The following ZNF223 variants were observed in gnomAD, a reference collection of about 807,000 sequenced individuals.
The protein encoded by ZNF223 is Homo sapiens zinc finger protein 223.
In ZNF223, 9 loss-of-function variants were observed where a neutral mutation model predicts 12.3. The ratio of observed to expected loss-of-function variants is 0.73; its 90% CI spans 0.44 to 1.28. The LOEUF is 1.28. Ranked by LOEUF, ZNF223 falls within the 50% of genes most tolerant of loss-of-function variation. ZNF223 has a pLI of 0.00. For missense variants in ZNF223, 506 were observed against 579.0 expected (o/e 0.87, Z 1.29); for synonymous variants, 171 against 195.2 (o/e 0.88, Z 1.03).
rs1356027258 is a variant in ZNF223 at position 44,066,697 on chromosome 19, G to A, written c.869G>A (p.Cys290Tyr). The A allele has an allele frequency of 2.5e-6, 4 of 1,614,216 alleles. No homozygotes were observed. Among genetic ancestry groups the A allele is most frequent in the Non-Finnish European group, 3.4e-6 (4 of 1,180,038 alleles). The part of the protein sequence containing the change: ...RIHTGEKPFK[C>Y]EICSVSFRLR... Reference sequence around the variant, plus strand: ...CACACAGGGGAGAAGCCATTCAAATGTGAGATATGTAGTGTGAGCTTCCGT... The same window carrying A: ...CACACAGGGGAGAAGCCATTCAAATATGAGATATGTAGTGTGAGCTTCCGT... The change falls in exon 5 of 5, where the codon TGT (cysteine) becomes TAT (tyrosine). Residue 290 changes from cysteine (C) to tyrosine (Y), a missense_variant. Cys to Tyr is a radical substitution (Grantham distance 194, BLOSUM62 -2). Coordinates refer to ENST00000434772, the MANE Select transcript of ZNF223 (RefSeq NM_013361.6).
intron 2 of ZNF223, among the ~76,000 whole-genome samples, chr19:44,059,132 C>T (rs1243720619): frequency 6.6e-6 from 1 of 152,206 alleles, no homozygotes; most frequent in African/African-American, 2.4e-5. Flanking sequence ...TTTTGCCAGC[C>T]ACATCTCATT....
intron 2 of ZNF223, among the ~76,000 whole-genome samples, chr19:44,058,317 G>T (rs979467948): frequency 6.7e-6 from 1 of 149,796 alleles, no homozygotes; most frequent in Non-Finnish European, 1.5e-5. Context: ...TATGTCCATC[G>T]ACCTCCCCTG....
intron 1 of ZNF223, among the ~76,000 whole-genome samples, chr19:44,053,449 G>A (rs1258224319): frequency 6.6e-6 from 1 of 152,198 alleles, no homozygotes. Context: ...AGATTTATGT[G>A]TGACTTTACA....
rs1599869553 is a variant in ZNF223 at position 44,060,540 on chromosome 19, G to A, written c.101G>A (p.Arg34Gln). 3 of 1,613,992 alleles carry A rather than the reference G, an allele frequency of 1.9e-6. No homozygotes were observed. The highest frequency in any genetic ancestry group is 2.5e-6 in the Non-Finnish European group (3 of 1,180,010). Residue 34 changes from arginine to glutamine, a missense_variant, in exon 3 of 5, where the codon CGA (arginine) becomes CAA (glutamine). Physicochemically the swap from Arg to Gln is conservative, Grantham distance 43. Transcript: ENST00000434772. ...GACCTTGCCCAGAGGAAGCTGTATCGAGATGTGATGCTGGAGAACTTCAGG... is the reference window on the plus strand; with the variant it reads ...GACCTTGCCCAGAGGAAGCTGTATCAAGATGTGATGCTGGAGAACTTCAGG... ...LLDLAQRKLY[R>Q]DVMLENFRNL...
intron 4 of ZNF223, chr19:44,063,126 T>G (rs1976862905): frequency 6.6e-6 from 1 of 152,204 alleles, no homozygotes; most frequent in Non-Finnish European, 1.5e-5. Context: ...CCCATCTCCT[T>G]AAAGACCTCT....
intron 4 of ZNF223, among the ~76,000 whole-genome samples, chr19:44,065,617 G>A (rs374831739): frequency 3.9e-4 from 54 of 138,366 alleles, no homozygotes; most frequent in African/African-American, 1.3e-3. Flanking sequence ...TCACTGTGTC[G>A]CCCAGGCTGG....
rs1405230172 is a variant in ZNF223 at position 44,066,668 on chromosome 19, A to G, written c.840A>G (p.Arg280=). 1 of 1,614,230 alleles carries G rather than the reference A, an allele frequency of 6.2e-7. No homozygotes were observed. The highest frequency in any genetic ancestry group is 1.3e-5 in the African/African-American group (1 of 75,060). The change falls in exon 5 of 5, where the codon AGA becomes AGG. Residue 280 remains arginine (R), a synonymous_variant. Transcript: ENST00000434772. ...IHDFQLQKHQ[R]IHTGEKPFKC... ...ATTTCCAGCTTCAGAAACATCAGAG[A>G]ATTCACACAGGGGAGAAGCCATTCA...
chr19:44,057,071 G>A (rs542210406), intron 2 of ZNF223, among the ~76,000 whole-genome samples: 6 of 152,084 alleles, frequency 3.9e-5, no homozygotes, highest in Non-Finnish European at 7.4e-5. Context: ...AATAGAGATC[G>A]CCAATAATCT....
In ZNF223 at chr19:44,067,824, T is replaced by C. The variant is rs1055291500; in HGVS notation, c.*547T>C. 7.4e-5 allele frequency: 15 copies of C among 201,796 alleles called. No homozygotes were observed. Among genetic ancestry groups the C allele is most frequent in the Non-Finnish European group, 1.0e-4 (10 of 97,528 alleles). 12.5% of individuals were successfully genotyped at this position (201,796 alleles called of 1,614,324 possible). On this transcript the variant is annotated 3_prime_UTR_variant, in exon 5 of 5. Transcript: ENST00000434772. ...ATGTCAAAATTGATGACCACTAGAA[T>C]GTCAGCCACATGTGTCTTTGTATTT...
At chr19:44,060,376 C>T in intron 2 of ZNF223, 79 bp from the exon 3 acceptor site, 3 of 1,568,888 alleles carry the variant, frequency 1.9e-6, no homozygotes, top group East Asian at 2.3e-5. Context: ...TCCATTTTTC[C>T]TCTTGGCCTC....
chr19:44,065,611 T>C (rs2058843727), intron 4 of ZNF223, among the ~76,000 whole-genome samples: 1 of 148,862 alleles, frequency 6.7e-6, no homozygotes, highest in African/African-American at 2.5e-5. Flanking sequence ...AGAGTCTCAC[T>C]GTGTCGCCCA....
chr19:44,056,585 A>ATTTTTTTTTTTTTTTTTTTTTTTTT (rs775187674), intron 2 of ZNF223, among the ~76,000 whole-genome samples: 10 of 72,156 alleles, frequency 1.4e-4, no homozygotes, highest in African/African-American at 6.7e-4. Flanking sequence ...ATGCCTCACC[A>ATTTTTTTTTTTTTTTTTTTTTTTTT]TTTTTTTTTT....
At chr19:44,052,559 G>C (rs1815761186) in intron 1 of ZNF223, among the ~76,000 whole-genome samples, 1 of 152,118 alleles carries the variant, frequency 6.6e-6, no homozygotes, top group African/African-American at 2.4e-5. Context: ...TAAAACGTTT[G>C]ATATCATTTC....
At chr19:44,054,337 T>C (rs1976738737) in intron 1 of ZNF223, among the ~76,000 whole-genome samples, 1 of 152,132 alleles carries the variant, frequency 6.6e-6, no homozygotes, top group African/African-American at 2.4e-5. Context: ...AAGATGTCTT[T>C]CAGATTTTTC....
At chr19:44,056,138 T>C (rs1976759654) in intron 2 of ZNF223, among the ~76,000 whole-genome samples, 2 of 152,234 alleles carry the variant, frequency 1.3e-5, no homozygotes, top group East Asian at 1.9e-4. Flanking sequence ...TCAGGTGTAC[T>C]CATTGTTCCA....
At position 44,066,486 on chromosome 19, in the gene ZNF223, C is replaced by T. The variant is rs1976915226; in HGVS notation, c.658C>T (p.Gln220Ter). Residue 220 changes from glutamine to a stop codon, truncating the protein, a stop_gained, in exon 5 of 5, where the codon CAA (glutamine) becomes TAA (stop). Transcript: ENST00000434772. LOFTEE classifies it low-confidence loss of function (END_TRUNC). ...GKEFSQSLHL[Q>*]THQRVHTGEK... ...GGAATTCAGTCAGAGTTTACATCTG[C>T]AAACTCATCAGAGAGTCCATACTGG... 6.2e-7 allele frequency: 1 copy of T among 1,614,214 alleles called. No individual in the cohort carries two copies.
intron 2 of ZNF223, among the ~76,000 whole-genome samples, chr19:44,058,409 C>T (rs1336682764): frequency 6.6e-6 from 1 of 152,176 alleles, no homozygotes; most frequent in African/African-American, 2.4e-5. Context: ...AGCTGGAATA[C>T]ATTCCGTGGA....
rs1976707851 is a variant in ZNF223 at position 44,052,094 on chromosome 19, G to T, written c.-170G>T. ...TTTGAGCCATTTCTGCGTCTTGCAG[G>T]ACATTTTGAACGAACCCCCTTTGCT... is the stretch of plus-strand genomic sequence containing the variant. On this transcript the variant is annotated 5_prime_UTR_variant, in exon 1 of 5. Coordinates refer to ENST00000434772, the MANE Select transcript of ZNF223 (RefSeq NM_013361.6). 1 of 153,106 alleles carries T rather than the reference G, an allele frequency of 6.5e-6. No homozygotes were observed. The highest frequency in any genetic ancestry group is 1.9e-4 in the South Asian group (1 of 5,194). The allele number at this position is 153,106 out of a possible 1,614,324, so 9.5% of individuals were successfully genotyped here.
At position 44,067,218 on chromosome 19, in the gene ZNF223, C is replaced by T. The variant is rs188025459; in HGVS notation, c.1390C>T (p.Arg464Cys). ...ATCCAAATGTGAAGACTGTGGGAAG[C>T]GCTACAAGAGGCGCTTGAATCTTGA... The part of the protein sequence containing the change: ...NPSKCEDCGK[R>C]YKRRLNLDII... Residue 464 changes from arginine (R) to cysteine (C), a missense_variant, in exon 5 of 5, where the codon CGC (arginine) becomes TGC (cysteine). By Grantham distance (180) the Arg-to-Cys change is radical. Transcript: ENST00000434772. 41 of 1,608,436 alleles carry T rather than the reference C, an allele frequency of 2.5e-5. No homozygotes were observed. The highest frequency in any genetic ancestry group is 1.6e-4 in the East Asian group (7 of 44,870).
Sources: allele counts gnomAD v4.1 joint callset (sites outside exome capture counted in the v4.1 genomes callset), GRCh38; gene constraint gnomAD v4.1.1; transcripts MANE v1.5; gene names NCBI Gene and HGNC (gene_info 2026-07-23, HGNC 2026-07-21).